LITAF: variants seen among roughly 807,000 people sequenced by gnomAD.
The protein encoded by LITAF is lipopolysaccharide induced TNF factor.
In LITAF, 9 loss-of-function variants were observed where a neutral mutation model predicts 14.5. The ratio of observed to expected loss-of-function variants is 0.62; its 90% CI spans 0.37 to 1.08. The LOEUF (loss-of-function observed/expected upper bound fraction) is 1.08. Ranked by LOEUF, LITAF falls within the 50% of genes least tolerant of loss-of-function variation. LITAF has a pLI of 0.01. For synonymous variants in LITAF, 98 were observed against 88.2 expected (o/e 1.11, Z -0.62); for missense variants, 206 against 213.4 (o/e 0.97, Z 0.22).
chr16:11,570,263 G>T (rs1442815263), intron 1 of LITAF, among the ~76,000 whole-genome samples: 1 of 152,138 alleles, frequency 6.6e-6, no homozygotes, highest in Non-Finnish European at 1.5e-5. Context: ...AAATACACCG[G>T]AACATTGGGT....
At chr16:11,601,182 G>A (rs2064924214), upstream of LITAF, among the ~76,000 whole-genome samples, 1 of 151,378 alleles carries the variant, frequency 6.6e-6, no homozygotes, top group African/African-American at 2.4e-5. Context: ...ACCCCATCCT[G>A]GGAATGTCAC....
rs529357674 is a variant in LITAF at position 11,630,724 on chromosome 16, AC to A, written c.85+2808del. ...TTCCTAGATAGCTGGGACTACAGGC[AC>A]CCACCACCACGTCCAGATAATGTTT... On this transcript the variant is annotated intron_variant, in intron 3 of 3. Coordinates refer to the LITAF transcript ENST00000574848. Among the ~76,000 whole-genome samples the A allele has an allele frequency of 5.8e-3, 882 of 151,892 alleles. 12 individuals are homozygous for A. The highest frequency in any genetic ancestry group is 0.021 in the African/African-American group (860 of 41,386).
At chr16:11,568,745 C>T (rs1319733806) in intron 1 of LITAF, among the ~76,000 whole-genome samples, 3 of 149,848 alleles carry the variant, frequency 2.0e-5, no homozygotes, top group Non-Finnish European at 4.4e-5. Flanking sequence ...AGTGCCACGA[C>T]CTCGGCTCAC....
intron 1 of LITAF, among the ~76,000 whole-genome samples, chr16:11,575,023 G>A (rs921451183): frequency 6.6e-6 from 1 of 151,928 alleles, no homozygotes. Flanking sequence ...GGCTGGTCTC[G>A]AACTCCTGAC....
chr16:11,617,151 C>G (rs1276886934), intron 3 of LITAF, among the ~76,000 whole-genome samples: 1 of 151,922 alleles, frequency 6.6e-6, no homozygotes, highest in Non-Finnish European at 1.5e-5. Flanking sequence ...ACCCGGGAGG[C>G]AGTAGTTGCA....
upstream of LITAF, chr16:11,587,239 G>C (rs1597361464): frequency 3.6e-4 from 89 of 248,042 alleles, no homozygotes; most frequent in South Asian, 8.7e-4. Context: ...GTCCGCCCCC[G>C]ACAGCCTGGC....
chr16:11,596,158 TC>T (rs1400220252), intron 1 of LITAF, among the ~76,000 whole-genome samples: 27 of 152,008 alleles, frequency 1.8e-4, no homozygotes, highest in Admixed American at 1.6e-3. Flanking sequence ...TGTGGGACCA[TC>T]CCAGAACTGG....
At chr16:11,613,960 T>C (rs2065000078) in intron 3 of LITAF, among the ~76,000 whole-genome samples, 1 of 152,232 alleles carries the variant, frequency 6.6e-6, no homozygotes, top group African/African-American at 2.4e-5. Context: ...GTGGGGTCCC[T>C]CTGCTTCCTG....
intron 3 of LITAF, chr16:11,551,596 G>A: frequency 2.0e-6 from 1 of 501,770 alleles, no homozygotes; most frequent in East Asian, 3.4e-5. Flanking sequence ...CAAGGCAGAA[G>A]GACTGCTTGA....
intron 1 of LITAF, among the ~76,000 whole-genome samples, chr16:11,597,808 C>T (rs2064899891): frequency 6.6e-6 from 1 of 152,244 alleles, no homozygotes; most frequent in Non-Finnish European, 1.5e-5. Flanking sequence ...TTCCCCGCTC[C>T]AGCCCCGTCA....
chr16:11,597,360 G>A (rs1597365985), intron 1 of LITAF, among the ~76,000 whole-genome samples: 1 of 152,232 alleles, frequency 6.6e-6, no homozygotes, highest in East Asian at 1.9e-4. Context: ...GGGAGAGGCT[G>A]GGCAGTGGAG....
At chr16:11,621,634 C>T (rs1442030952) in intron 3 of LITAF, among the ~76,000 whole-genome samples, 5 of 151,984 alleles carry the variant, frequency 3.3e-5, no homozygotes, top group Non-Finnish European at 7.4e-5. Flanking sequence ...AGCCCCCTTG[C>T]CCCTCAGGAA....
intron 3 of LITAF, among the ~76,000 whole-genome samples, chr16:11,623,182 C>T (rs542985194): frequency 2.0e-5 from 3 of 151,272 alleles, no homozygotes; most frequent in African/African-American, 4.8e-5. Flanking sequence ...AGGATGGTCT[C>T]GATCTCCTGA....
In LITAF at chr16:11,558,092, G is replaced by A. The variant is rs1567238409; in HGVS notation, c.-5-1357C>T. 6.6e-6 allele frequency among the ~76,000 whole-genome samples: 1 copy of A among 152,116 alleles called. No individual in the cohort carries two copies. The highest frequency in any genetic ancestry group is 1.5e-5 in the Non-Finnish European group (1 of 68,024). On this transcript the variant is annotated intron_variant, in intron 1 of 3. Coordinates refer to ENST00000622633, the MANE Select transcript of LITAF (RefSeq NM_001136472.2). This position sits in a 1 kb window ranked among gnomAD's most constrained non-coding sequence, Gnocchi z 4.1. ...GGGAAATGAGGCTCCGGGGCAGCGA[G>A]CCACAACCACCACTCCCCTCTCCCG...
chr16:11,561,445 G>A (rs573004279), intron 1 of LITAF: 34 of 152,208 alleles, frequency 2.2e-4, no homozygotes, highest in African/African-American at 7.2e-4. Context: ...TTAAGGCCTC[G>A]GCCACCGCCT....
At chr16:11,593,745 C>T (rs8061575) in intron 1 of LITAF, among the ~76,000 whole-genome samples, 63,989 of 152,054 alleles carry the variant, frequency 0.42, 14,591 homozygotes, top group African/African-American at 0.6. Flanking sequence ...TGAAACCAGA[C>T]ACCAAAAACC....
Position 11,634,503 on chromosome 16 carries a change from C to T in LITAF, c.-20-866G>A, listed in dbSNP as rs530476452. ...AGAGGCCACAAGATTTGCAACTTCC[C>T]CTATTGCCCCTGCAGATAACATCAC... On this transcript the variant is annotated intron_variant, in intron 2 of 3. Transcript: ENST00000574848. The surrounding 1 kb of genome is among the most constrained non-coding windows in gnomAD (Gnocchi z 4.1). Among the ~76,000 whole-genome samples the T allele has an allele frequency of 7.6e-4, 115 of 152,264 alleles. No homozygotes were observed. The highest frequency in any genetic ancestry group is 7.0e-3 in the South Asian group (34 of 4,828).
chr16:11,567,132 T>G (rs2064462736), intron 1 of LITAF, among the ~76,000 whole-genome samples: 1 of 151,866 alleles, frequency 6.6e-6, no homozygotes, highest in African/African-American at 2.4e-5. Flanking sequence ...AAAACATGGG[T>G]GGACAGGCTG....
chr16:11,548,035 G>A lies in LITAF; in HGVS notation c.*1602C>T, dbSNP rs1477242531. On this transcript the variant is annotated 3_prime_UTR_variant, in exon 4 of 4. Coordinates refer to ENST00000622633, the MANE Select transcript of LITAF (RefSeq NM_001136472.2). The stretch of plus-strand genomic sequence containing the variant: ...CCAAAGACTTTATTTTTCAAAAGCA[G>A]GTAACACCAAAGTACTATGTGGTAT... The A allele has an allele frequency of 1.5e-5, 7 of 453,984 alleles. 1 individual carries two copies. Among genetic ancestry groups the A allele is most frequent in the Admixed American group, 9.4e-5 (4 of 42,558 alleles). 28.1% of individuals were successfully genotyped at this position (453,984 alleles called of 1,614,324 possible). A position where few individuals can be genotyped will look rare whatever the true frequency, so the allele number is the denominator to read the frequency against.
Sources: gnomAD v4.1 joint callset for allele counts (sites outside exome capture counted in the v4.1 genomes callset) on GRCh38, gnomAD v4.1.1 for gene constraint, Gnocchi (gnomAD v3.1) non-coding constraint, MANE v1.5 for transcripts, NCBI Gene and HGNC (gene_info 2026-07-23, HGNC 2026-07-21) for gene names.